The following OTOGL variants were observed in gnomAD, a reference collection of about 807,000 sequenced individuals.
OTOGL encodes the protein otogelin like, also known as otogelin-like protein.
In OTOGL, 285 loss-of-function variants were observed where a neutral mutation model predicts 318.5. The observed-to-expected ratio is 0.89, with a 90% CI of 0.81 to 0.99. OTOGL has a LOEUF of 0.99. Ranked by LOEUF, OTOGL falls within the 50% of genes least tolerant of loss-of-function variation. OTOGL has a pLI of 0.00. For synonymous variants in OTOGL, 987 were observed against 936.5 expected, an observed-to-expected ratio of 1.05 and a Z score of -0.99; for missense variants, 2,899 against 2,845.6, an observed-to-expected ratio of 1.02 and a Z score of -0.43.
Position 80,219,973 on chromosome 12 carries a change from A to G in OTOGL, c.334+61A>G, listed in dbSNP as rs117959921. ...ATACCAAGGAGAAAATTAAGGCATA[A>G]TTTGCTATAATAATGTTCATCCATT... On this transcript the variant is annotated intron_variant, in intron 6 of 58. Coordinates refer to ENST00000547103, the MANE Select transcript of OTOGL (RefSeq NM_001378609.3). 0.015 allele frequency: 17,917 copies of G among 1,218,406 alleles called. 167 individuals carry two copies. The highest frequency in any genetic ancestry group is 0.038 in the Middle Eastern group (202 of 5,248). The allele number at this position is 1,218,406 out of a possible 1,614,324, so 75.5% of individuals were successfully genotyped here.
At chr12:80,198,473 A>G (rs1408873970) in intron 1 of OTOGL, among the ~76,000 whole-genome samples, 1 of 152,118 alleles carries the variant, frequency 6.6e-6, no homozygotes, top group Non-Finnish European at 1.5e-5. Flanking sequence ...AATCCCAGCT[A>G]CCTGGGAGGC....
At chr12:80,108,543 A>G (rs1869593798) in intron 1 of OTOGL, among the ~76,000 whole-genome samples, 1 of 151,416 alleles carries the variant, frequency 6.6e-6, no homozygotes, top group Non-Finnish European at 1.5e-5. Flanking sequence ...ATTTATGGCA[A>G]TCTATGTGGG....
At chr12:80,308,716 G>A (rs1886412510) in intron 29 of OTOGL, among the ~76,000 whole-genome samples, 1 of 152,230 alleles carries the variant, frequency 6.6e-6, no homozygotes. Flanking sequence ...TGCAATCCCG[G>A]CACCTTGGGA....
At chr12:80,289,485 G>T (rs1234015986) in intron 26 of OTOGL, among the ~76,000 whole-genome samples, 1 of 152,212 alleles carries the variant, frequency 6.6e-6, no homozygotes, top group East Asian at 1.9e-4. Context: ...GTCTGCTGAA[G>T]CTGTGCCCAC....
chr12:80,320,429 A>T lies in OTOGL; in HGVS notation c.3810A>T (p.Ala1270=), dbSNP rs372683163. ...CTGCTCTATATTTTACAGCATTAGCACTTGTTTCCTTGGAATCTGCTGAAA... is the reference window on the plus strand; with the variant it reads ...CTGCTCTATATTTTACAGCATTAGCTCTTGTTTCCTTGGAATCTGCTGAAA... The part of the protein sequence containing the change: ...GLFKEKVSSL[A]LVSLESAERP... The change falls in exon 34 of 59, where the codon GCA becomes GCT. Residue 1270 remains alanine, a synonymous_variant. Coordinates refer to ENST00000547103, the MANE Select transcript of OTOGL (RefSeq NM_001378609.3). 8.1e-6 allele frequency: 13 copies of T among 1,611,650 alleles called. No individual in the cohort carries two copies. The highest frequency in any genetic ancestry group is 1.0e-5 in the Non-Finnish European group (12 of 1,178,442).
At chr12:80,290,431 G>C (rs959722748) in intron 26 of OTOGL, among the ~76,000 whole-genome samples, 1 of 151,640 alleles carries the variant, frequency 6.6e-6, no homozygotes, top group African/African-American at 2.4e-5. Flanking sequence ...GAGTAGTAAG[G>C]ATGTAGAACA....
chr12:80,246,298 T>G (rs372407182), intron 11 of OTOGL, among the ~76,000 whole-genome samples: 1 of 148,218 alleles, frequency 6.7e-6, no homozygotes, highest in Admixed American at 6.6e-5. Context: ...TGGCTGTGGG[T>G]TTGTCATAGA....
At chr12:80,164,431 T>A (rs1873711061) in intron 1 of OTOGL, among the ~76,000 whole-genome samples, 1 of 152,204 alleles carries the variant, frequency 6.6e-6, no homozygotes, top group African/African-American at 2.4e-5. Flanking sequence ...TTGTTATAAG[T>A]CTGTTCAAAT....
At chr12:80,328,123 C>T (rs1199185717) in intron 35 of OTOGL, among the ~76,000 whole-genome samples, 15 of 151,670 alleles carry the variant, frequency 9.9e-5, no homozygotes, top group Admixed American at 5.9e-4. Context: ...TCAAGATCAG[C>T]CTGGGCAACA....
intron 4 of OTOGL, among the ~76,000 whole-genome samples, chr12:80,214,620 C>T (rs947259637): frequency 6.6e-6 from 1 of 151,960 alleles, no homozygotes; most frequent in African/African-American, 2.4e-5. Flanking sequence ...CTCTAAACAC[C>T]CTTGGGAGAC....
chr12:80,258,369 A>G lies in OTOGL; in HGVS notation c.1889+367A>G, dbSNP rs76274188. Among the ~76,000 whole-genome samples the G allele has an allele frequency of 3.5e-4, 54 of 152,234 alleles. 1 individual carries two copies. In the East Asian group the frequency reaches 0.01, roughly 29 times the overall value. On this transcript the variant is annotated intron_variant, in intron 18 of 58. Transcript: ENST00000547103. The stretch of plus-strand genomic sequence containing the variant: ...TTTTGAAACATAGCTGCCTAAAAAA[A>G]CCAAACAAATAAACAAACAAAAAAC...
At chr12:80,353,141 A>G (rs1889657921) in intron 45 of OTOGL, among the ~76,000 whole-genome samples, 184 bp from the exon 46 acceptor site, 1 of 152,248 alleles carries the variant, frequency 6.6e-6, no homozygotes, top group Non-Finnish European at 1.5e-5. Context: ...AAAAAATGCA[A>G]AAAACAAACA....
intron 2 of OTOGL, among the ~76,000 whole-genome samples, chr12:80,209,843 G>A (rs1877111167): frequency 6.6e-6 from 1 of 151,976 alleles, no homozygotes; most frequent in South Asian, 2.1e-4. Context: ...AATTGTATTA[G>A]AAGAAGCTGT....
chr12:80,142,453 C>G (rs1872014175), intron 1 of OTOGL, among the ~76,000 whole-genome samples: 1 of 152,130 alleles, frequency 6.6e-6, no homozygotes, highest in South Asian at 2.1e-4. Flanking sequence ...ACTTTTCATT[C>G]ATTTTCTGTG....
chr12:80,316,054 G>C (rs954325526), intron 32 of OTOGL, among the ~76,000 whole-genome samples: 1 of 152,064 alleles, frequency 6.6e-6, no homozygotes, highest in Non-Finnish European at 1.5e-5. Flanking sequence ...TCTGCATTTT[G>C]CTATTATCAA....
chr12:80,320,639 C>A lies in OTOGL; in HGVS notation c.4020C>A (p.Val1340=). The A allele has an allele frequency of 6.2e-7, 1 of 1,608,880 alleles. No individual in the cohort carries two copies. The highest frequency in any genetic ancestry group is 8.5e-7 in the Non-Finnish European group (1 of 1,177,260). Residue 1340 remains valine, a synonymous_variant, in exon 34 of 59, where the codon GTC becomes GTA. Transcript: ENST00000547103. ...GFFIIFTDSS[V]KASKYDDSEE... Reference sequence around the variant, plus strand: ...TCATCATATTCACAGATTCTAGTGTCAAAGCATCAAAATATGATGATTCTG... The same window carrying A: ...TCATCATATTCACAGATTCTAGTGTAAAAGCATCAAAATATGATGATTCTG...
intron 26 of OTOGL, among the ~76,000 whole-genome samples, chr12:80,280,726 G>A (rs1884167065): frequency 6.6e-6 from 1 of 151,652 alleles, no homozygotes. Flanking sequence ...GTAGTTTGAT[G>A]CTTCCAGCTT....
intron 37 of OTOGL, 142 bp downstream of exon 37, chr12:80,329,261 T>A: frequency 1.6e-6 from 1 of 626,716 alleles, no homozygotes; most frequent in Non-Finnish European, 2.6e-6. Context: ...TTTGCTTCAT[T>A]AAGCTTGTCC....
intron 29 of OTOGL, among the ~76,000 whole-genome samples, chr12:80,308,985 AGAGGG>A (rs1464517427): frequency 2.8e-5 from 1 of 36,144 alleles, no homozygotes; most frequent in Non-Finnish European, 1.3e-4. Context: ...GACCGTGGGG[AGAGGG>A]AGAGGGAGAG....
Sources: gnomAD v4.1 joint callset for allele counts (sites outside exome capture counted in the v4.1 genomes callset) on GRCh38, gnomAD v4.1.1 for gene constraint, MANE v1.5 for transcripts, NCBI Gene and HGNC (gene_info 2026-07-23, HGNC 2026-07-21) for gene names.